The following SNCAIP variants were observed in gnomAD, a reference collection of about 807,000 sequenced individuals.
SNCAIP encodes synuclein alpha interacting protein.
A neutral mutation model predicts 86.7 loss-of-function variants in SNCAIP; 43 were observed. The ratio of observed to expected loss-of-function variants is 0.50; its 90% CI spans 0.39 to 0.64. The LOEUF is 0.64. Among genes scored for constraint, SNCAIP ranks in the 30% least tolerant of loss-of-function variants. The pLI is 0.00. For synonymous variants in SNCAIP, 417 were observed against 427.2 expected (o/e 0.98, Z 0.29); for missense variants, 981 against 1,103.1 (o/e 0.89, Z 1.57).
intron 5 of SNCAIP, among the ~76,000 whole-genome samples, chr5:122,426,300 C>G (rs535367970): frequency 6.6e-6 from 1 of 152,200 alleles, no homozygotes; most frequent in East Asian, 1.9e-4. Context: ...ATGTGCTTTG[C>G]TTTACATAAT....
chr5:122,444,034 G>A, intron 7 of SNCAIP: 1 of 456,526 alleles, frequency 2.2e-6, no homozygotes, highest in South Asian at 1.5e-5. Flanking sequence ...TTGTGGGAGG[G>A]TGGGAGCTGC....
chr5:122,387,544 A>C (rs1214104548), intron 1 of SNCAIP, among the ~76,000 whole-genome samples: 1 of 152,202 alleles, frequency 6.6e-6, no homozygotes, highest in African/African-American at 2.4e-5. Context: ...TGGCCTCAGT[A>C]GGTTGGCTCT....
intron 6 of SNCAIP, among the ~76,000 whole-genome samples, chr5:122,432,577 A>G (rs947448309): frequency 6.6e-6 from 1 of 152,174 alleles, no homozygotes; most frequent in African/African-American, 2.4e-5. Context: ...AAAAGGAACA[A>G]TGATACATTT....
chr5:122,375,846 C>T (rs1388708841), intron 1 of SNCAIP, among the ~76,000 whole-genome samples: 1 of 152,070 alleles, frequency 6.6e-6, no homozygotes, highest in Non-Finnish European at 1.5e-5. Flanking sequence ...ATCAAAAGGG[C>T]ACTAGGCATG....
rs1369146640 is a variant in SNCAIP, at chr5:122,330,983, G to A, written c.-47+18699G>A. On this transcript the variant is annotated intron_variant, in intron 1 of 10. Coordinates refer to ENST00000261368, the MANE Select transcript of SNCAIP (RefSeq NM_005460.4). ...CAGACATTAGATTCTCACAAGGAGC[G>A]CACAACCTAGATCCCTCACATGTGC... 8.6e-5 allele frequency among the ~76,000 whole-genome samples: 13 copies of A among 151,788 alleles called. No individual in the cohort carries two copies. The South Asian group carries it at 1.7e-3, about 19-fold the overall frequency.
chr5:122,413,083 A>G (rs1386822101), intron 3 of SNCAIP, among the ~76,000 whole-genome samples: 1 of 152,202 alleles, frequency 6.6e-6, no homozygotes, highest in Non-Finnish European at 1.5e-5. Flanking sequence ...TTACCAAAGC[A>G]GCTGCTGAGA....
At chr5:122,363,095 C>T (rs531967943) in intron 1 of SNCAIP, among the ~76,000 whole-genome samples, 10 of 150,162 alleles carry the variant, frequency 6.7e-5, no homozygotes, top group Admixed American at 2.0e-4. Context: ...CTCCCAGGAT[C>T]AAGCGATTCT....
intron 1 of SNCAIP, among the ~76,000 whole-genome samples, chr5:122,360,200 A>C (rs1467640502): frequency 6.6e-6 from 1 of 152,200 alleles, no homozygotes; most frequent in Non-Finnish European, 1.5e-5. Flanking sequence ...ACGTTTCGGA[A>C]CATGGCCAGC....
intron 3 of SNCAIP, among the ~76,000 whole-genome samples, chr5:122,409,460 G>A (rs761169507): frequency 1.3e-5 from 2 of 152,152 alleles, no homozygotes; most frequent in African/African-American, 2.4e-5. Context: ...AAATTTAGAT[G>A]TGCTGGATTT....
At chr5:122,446,851 A>G (rs1782429287) in intron 8 of SNCAIP, among the ~76,000 whole-genome samples, 1 of 152,200 alleles carries the variant, frequency 6.6e-6, no homozygotes, top group African/African-American at 2.4e-5. Context: ...AACCTTCAGC[A>G]ACTCCTCAGA....
chr5:122,345,390 T>C (rs1031890176), intron 1 of SNCAIP, among the ~76,000 whole-genome samples: 6 of 152,146 alleles, frequency 3.9e-5, no homozygotes, highest in Non-Finnish European at 7.4e-5. Flanking sequence ...CTGGGATATA[T>C]AAAAAGTCCT....
chr5:122,459,833 G>A (rs1182522398), intron 10 of SNCAIP, among the ~76,000 whole-genome samples: 1 of 152,044 alleles, frequency 6.6e-6, no homozygotes, highest in African/African-American at 2.4e-5. Flanking sequence ...ATAAAGACTG[G>A]ATGTGCCCTG....
At chr5:122,357,159 T>G (rs1761186501) in intron 1 of SNCAIP, among the ~76,000 whole-genome samples, 1 of 152,214 alleles carries the variant, frequency 6.6e-6, no homozygotes, top group Non-Finnish European at 1.5e-5. Flanking sequence ...TGTCATCTTC[T>G]TCCCCTACAT....
rs144045552 is a variant in SNCAIP, at chr5:122,359,924, A to G, written c.-46-31165A>G. ...TGTTCTTTAACATGTATTGCTAGCC[A>G]CAAATAATAATGCCTTCAGCTCCTC... On this transcript the variant is annotated intron_variant, in intron 1 of 10. Coordinates refer to ENST00000261368, the MANE Select transcript of SNCAIP (RefSeq NM_005460.4). 8.4e-3 allele frequency among the ~76,000 whole-genome samples: 1,278 copies of G among 152,330 alleles called. 11 individuals carry two copies. Among genetic ancestry groups the G allele is most frequent in the Admixed American group, 0.018 (282 of 15,286 alleles).
intron 7 of SNCAIP, 48 bp downstream of exon 7, chr5:122,440,802 T>A (rs768059172): frequency 3.8e-6 from 6 of 1,559,862 alleles, no homozygotes; most frequent in Non-Finnish European, 3.5e-6. Flanking sequence ...ATATCAAATA[T>A]TAAACAAAAC....
chr5:122,431,924 T>G, intron 5 of SNCAIP, 45 bp from the exon 6 acceptor site: 5 of 939,798 alleles, frequency 5.3e-6, no homozygotes, highest in Non-Finnish European at 8.8e-6. Context: ...TTTTCAAACC[T>G]GAGTTACCTT....
chr5:122,386,820 CAA>C (rs111712528), intron 1 of SNCAIP, among the ~76,000 whole-genome samples: 19 of 138,804 alleles, frequency 1.4e-4, no homozygotes, highest in South Asian at 4.5e-4. Context: ...CTCCCCACTT[CAA>C]AAAAAAAAAA....
At chr5:122,449,752 C>A in intron 8 of SNCAIP, 93 bp from the exon 9 acceptor site, 2 of 899,490 alleles carry the variant, frequency 2.2e-6, no homozygotes, top group Non-Finnish European at 1.9e-6. Context: ...TTTATTGCAA[C>A]TTACTGGAAA....
intron 5 of SNCAIP, among the ~76,000 whole-genome samples, chr5:122,431,001 A>G (rs944986841): frequency 6.6e-5 from 10 of 152,170 alleles, no homozygotes; most frequent in African/African-American, 2.2e-4. Context: ...TTTAATTTCA[A>G]ATATGAGTTT....
Sources: allele counts gnomAD v4.1 joint callset (sites outside exome capture counted in the v4.1 genomes callset), GRCh38; gene constraint gnomAD v4.1.1; transcripts MANE v1.5; gene names NCBI Gene and HGNC (gene_info 2026-07-23, HGNC 2026-07-21).